ELAPOR2: variants seen among roughly 807,000 people sequenced by gnomAD.
The protein encoded by ELAPOR2 is endosome-lysosome associated apoptosis and autophagy regulator family member 2.
In ELAPOR2, 89 loss-of-function variants were observed where a neutral mutation model predicts 120.7. The ratio of observed to expected loss-of-function variants is 0.74; its 90% CI spans 0.62 to 0.88. ELAPOR2 has a LOEUF of 0.88. Ranked by LOEUF, ELAPOR2 falls within the 40% of genes least tolerant of loss-of-function variation. ELAPOR2 has a pLI of 0.00. For synonymous variants in ELAPOR2, 444 were observed against 444.9 expected, an observed-to-expected ratio of 1.00 and a Z score of 0.03; for missense variants, 1,134 against 1,251.6, an observed-to-expected ratio of 0.91 and a Z score of 1.42.
chr7:86,998,958 A>G (rs1793218529), intron 1 of ELAPOR2, among the ~76,000 whole-genome samples: 1 of 151,946 alleles, frequency 6.6e-6, no homozygotes, highest in African/African-American at 2.4e-5. Context: ...ATTGATGGAG[A>G]GCTATGGAGC....
intron 18 of ELAPOR2, among the ~76,000 whole-genome samples, chr7:86,905,486 A>T (rs1788969782): frequency 6.6e-6 from 1 of 152,156 alleles, no homozygotes; most frequent in Non-Finnish European, 1.5e-5. Flanking sequence ...GCAGCTCCCT[A>T]AAGTAGTGGT....
At chr7:87,024,303 C>A (rs1255691572) in intron 1 of ELAPOR2, among the ~76,000 whole-genome samples, 2 of 152,160 alleles carry the variant, frequency 1.3e-5, no homozygotes, top group East Asian at 3.8e-4. Flanking sequence ...AAGGCCTTTT[C>A]TGCATCTATT....
chr7:87,002,467 A>G (rs1350524029), intron 1 of ELAPOR2, among the ~76,000 whole-genome samples: 2 of 152,148 alleles, frequency 1.3e-5, no homozygotes, highest in Admixed American at 1.3e-4. Flanking sequence ...GGCTCCCTCT[A>G]TATGAGTGCT....
At chr7:86,985,213 C>T (rs1792676720) in intron 1 of ELAPOR2, among the ~76,000 whole-genome samples, 1 of 152,062 alleles carries the variant, frequency 6.6e-6, no homozygotes, top group South Asian at 2.1e-4. Flanking sequence ...GCCTACCAAT[C>T]AAAAAAAGTT....
At chr7:86,967,863 C>A (rs770952041) in intron 1 of ELAPOR2, among the ~76,000 whole-genome samples, 2 of 152,182 alleles carry the variant, frequency 1.3e-5, no homozygotes, top group Non-Finnish European at 2.9e-5. Flanking sequence ...CAGCAGGAAG[C>A]TTTAATTTAT....
At chr7:86,990,473 AC>A (rs553193163) in intron 1 of ELAPOR2, among the ~76,000 whole-genome samples, 104 of 152,296 alleles carry the variant, frequency 6.8e-4, no homozygotes, top group Non-Finnish European at 1.1e-3. Flanking sequence ...GAAGGTCCTC[AC>A]CAGATGCCAC....
chr7:86,946,955 C>T (rs1791036044), intron 3 of ELAPOR2, among the ~76,000 whole-genome samples: 1 of 151,886 alleles, frequency 6.6e-6, no homozygotes, highest in Non-Finnish European at 1.5e-5. Context: ...CATCATTTGG[C>T]AAAAAGACAG....
At chr7:86,981,059 C>A (rs1792460044) in intron 1 of ELAPOR2, among the ~76,000 whole-genome samples, 1 of 152,150 alleles carries the variant, frequency 6.6e-6, no homozygotes, top group East Asian at 1.9e-4. Context: ...AGTTCTCTAT[C>A]TCCTTTCTGC....
At chr7:86,983,620 A>G (rs1038361401) in intron 1 of ELAPOR2, among the ~76,000 whole-genome samples, 1 of 152,226 alleles carries the variant, frequency 6.6e-6, no homozygotes, top group African/African-American at 2.4e-5. Flanking sequence ...AAAATCCTTT[A>G]AAGACAAACA....
chr7:86,923,735 G>A (rs1472329333), intron 10 of ELAPOR2, among the ~76,000 whole-genome samples: 4 of 151,700 alleles, frequency 2.6e-5, no homozygotes, highest in Admixed American at 2.6e-4. Context: ...ATTCCATTAG[G>A]GTAATATAAC....
chr7:86,922,770 T>C (rs1452578183), intron 10 of ELAPOR2, among the ~76,000 whole-genome samples: 1 of 151,900 alleles, frequency 6.6e-6, no homozygotes, highest in African/African-American at 2.4e-5. Flanking sequence ...TTAAGTAACA[T>C]AATATAAACT....
At chr7:86,982,915 T>A (rs990817373) in intron 1 of ELAPOR2, among the ~76,000 whole-genome samples, 1 of 151,958 alleles carries the variant, frequency 6.6e-6, no homozygotes, top group Admixed American at 6.6e-5. Context: ...TTCAAACCCA[T>A]CGCAAGGAAG....
intron 1 of ELAPOR2, among the ~76,000 whole-genome samples, chr7:87,036,774 G>A (rs1229471088): frequency 6.6e-6 from 1 of 152,164 alleles, no homozygotes; most frequent in African/African-American, 2.4e-5. Context: ...AGACACTACA[G>A]ACTATTAGAA....
intron 9 of ELAPOR2, 46 bp downstream of exon 9, chr7:86,926,690 G>C (rs1184885952): frequency 6.6e-7 from 1 of 1,513,340 alleles, no homozygotes; most frequent in Non-Finnish European, 8.9e-7. Flanking sequence ...AGTCCAACAA[G>C]ATCATTTTGC....
intron 8 of ELAPOR2, among the ~76,000 whole-genome samples, chr7:86,929,116 G>A: frequency 6.6e-6 from 1 of 151,706 alleles, no homozygotes; most frequent in East Asian, 1.9e-4. Context: ...TCCAGTGTCT[G>A]CATTCATATA....
At chr7:86,915,208 C>T (rs954878122) in intron 12 of ELAPOR2, among the ~76,000 whole-genome samples, 1 of 152,054 alleles carries the variant, frequency 6.6e-6, no homozygotes. Flanking sequence ...CATAACTCCT[C>T]AAACTTCTTA....
At position 86,912,826 on chromosome 7, in the gene ELAPOR2, T is replaced by C. The variant is rs1337758424; in HGVS notation, c.1995+115A>G. 4 of 1,236,534 alleles carry C rather than the reference T, an allele frequency of 3.2e-6. No individual in the cohort carries two copies. The African/African-American group carries it at 6.0e-5, about 19-fold the overall frequency. 76.6% of individuals were successfully genotyped at this position (1,236,534 alleles called of 1,614,324 possible). On this transcript the variant is annotated intron_variant, in intron 14 of 21. Transcript: ENST00000450689. ...AAACAGAAATGGTAAGTAGAAAGTC[T>C]TATTTCAGAATAAATAGCAACCTCA...
chr7:86,996,595 T>C (rs1204835231), intron 1 of ELAPOR2, among the ~76,000 whole-genome samples: 3 of 152,196 alleles, frequency 2.0e-5, no homozygotes, highest in Non-Finnish European at 4.4e-5. Context: ...ATTAAAGAGT[T>C]TGAAGCAGGG....
Position 86,938,824 on chromosome 7 carries a change from G to C in ELAPOR2, c.984C>G (p.Asp328Glu). The C allele has an allele frequency of 6.2e-7, 1 of 1,613,088 alleles. No individual in the cohort carries two copies. Among genetic ancestry groups the C allele is most frequent in the Non-Finnish European group, 8.5e-7 (1 of 1,179,290 alleles). The change falls in exon 7 of 22, where the codon GAC (aspartate) becomes GAG (glutamate). Residue 328 changes from aspartate (D) to glutamate (E), a missense_variant. Asp to Glu is a conservative substitution (Grantham distance 45). Coordinates refer to ENST00000450689, the MANE Select transcript of ELAPOR2 (RefSeq NM_001142749.3). ...TAGTTCTACCTGAAAATTGAGAGTCGTCTTTACACCTTATACATTCTTTGG... is the reference window on the plus strand; with the variant it reads ...TAGTTCTACCTGAAAATTGAGAGTCCTCTTTACACCTTATACATTCTTTGG... ...KGAKECIRCK[D>E]DSQFSEEGSS...
Sources: allele counts gnomAD v4.1 joint callset (sites outside exome capture counted in the v4.1 genomes callset), GRCh38; gene constraint gnomAD v4.1.1; transcripts MANE v1.5; gene names NCBI Gene and HGNC (gene_info 2026-07-23, HGNC 2026-07-21).